The following GDPD5 variants were observed in gnomAD, a reference collection of about 807,000 sequenced individuals.
The protein encoded by GDPD5 is glycerophosphodiester phosphodiesterase 2.
In GDPD5, 48 loss-of-function variants were observed where a neutral mutation model predicts 75.1. The ratio of observed to expected loss-of-function variants is 0.64; its 90% CI spans 0.51 to 0.81. The LOEUF is 0.81. GDPD5 is among the 40% of genes least tolerant of loss of function. GDPD5 has a pLI of 0.00. For missense variants in GDPD5, 706 were observed against 822.6 expected (o/e 0.86, Z 1.73); for synonymous variants, 336 against 339.0 (o/e 0.99, Z 0.10).
At chr11:75,460,262 C>G (rs755696444) in intron 4 of GDPD5, among the ~76,000 whole-genome samples, 1 of 152,170 alleles carries the variant, frequency 6.6e-6, no homozygotes, top group Non-Finnish European at 1.5e-5. Flanking sequence ...GGCTGTCACT[C>G]ACATCCTCTT....
intron 1 of GDPD5, among the ~76,000 whole-genome samples, chr11:75,524,593 T>C (rs1337150002): frequency 6.6e-6 from 1 of 152,134 alleles, no homozygotes; most frequent in African/African-American, 2.4e-5. Context: ...GACCCTTACT[T>C]GGGGATCTCT....
At chr11:75,509,932 G>A (rs1255768068) in intron 1 of GDPD5, among the ~76,000 whole-genome samples, 1 of 152,118 alleles carries the variant, frequency 6.6e-6, no homozygotes, top group African/African-American at 2.4e-5. Flanking sequence ...TGCCCGCCTC[G>A]GCCTCCCAAA....
chr11:75,462,886 C>A lies in GDPD5; in HGVS notation c.121G>T (p.Glu41Ter). 1 of 1,613,254 alleles carries A rather than the reference C, an allele frequency of 6.2e-7. No individual in the cohort carries two copies. The highest frequency in any genetic ancestry group is 1.1e-5 in the South Asian group (1 of 90,936). Residue 41 changes from glutamate to a stop codon, truncating the protein, a stop_gained, in exon 4 of 17, where the codon GAG (glutamate) becomes TAG (stop). Transcript: ENST00000336898. LOFTEE classifies it high-confidence loss of function. ...GTGAGGAGCAGGAACCAGAGGCGCT[C>A]CCACTGGAAGAGCAGAGGAGGAGGG... ...QRSHDDTTPW[E>*]RLWFLLLTFT...
intron 2 of GDPD5, among the ~76,000 whole-genome samples, chr11:75,489,051 G>A (rs1034049052): frequency 4.6e-5 from 7 of 152,142 alleles, no homozygotes; most frequent in African/African-American, 1.7e-4. Flanking sequence ...CTGGTTAAAT[G>A]TGAGACGGAA....
intron 1 of GDPD5, among the ~76,000 whole-genome samples, chr11:75,506,216 T>C (rs1950394834): frequency 6.6e-6 from 1 of 152,216 alleles, no homozygotes; most frequent in Admixed American, 6.5e-5. Flanking sequence ...TCGATCTGTT[T>C]GTTCCTCTCA....
chr11:75,441,957 C>T (rs906657749), intron 12 of GDPD5, among the ~76,000 whole-genome samples, 154 bp from the exon 13 acceptor site: 1 of 152,222 alleles, frequency 6.6e-6, no homozygotes, highest in Non-Finnish European at 1.5e-5. Flanking sequence ...TCAGTCCCAG[C>T]CAAGGCTGCA....
At chr11:75,510,155 T>G (rs1416557508) in intron 1 of GDPD5, among the ~76,000 whole-genome samples, 1 of 152,222 alleles carries the variant, frequency 6.6e-6, no homozygotes, top group African/African-American at 2.4e-5. Flanking sequence ...GCGGGAGGGC[T>G]GTCCCCCACT....
At chr11:75,439,426 G>A in intron 15 of GDPD5, 1 of 449,692 alleles carries the variant, frequency 2.2e-6, no homozygotes, top group Non-Finnish European at 4.5e-6. Context: ...ATCAGAGCAG[G>A]ATGGGACAGA....
At chr11:75,470,255 T>C (rs1438902620) in intron 3 of GDPD5, among the ~76,000 whole-genome samples, 1 of 152,244 alleles carries the variant, frequency 6.6e-6, no homozygotes, top group Non-Finnish European at 1.5e-5. Context: ...TGGCTCTTTA[T>C]GGGCTTATAA....
rs1200967814 is a variant in GDPD5, at chr11:75,441,701, C to T, written c.1270G>A (p.Gly424Ser). 4 of 1,610,270 alleles carry T rather than the reference C, an allele frequency of 2.5e-6. No individual in the cohort carries two copies. Among genetic ancestry groups the T allele is most frequent in the East Asian group, 4.5e-5 (2 of 44,834 alleles). The change falls in exon 13 of 17, where the codon GGC (glycine) becomes AGC (serine). Residue 424 changes from glycine to serine, a missense_variant. By Grantham distance (56) the Gly-to-Ser change is moderately conservative. Coordinates refer to ENST00000336898, the MANE Select transcript of GDPD5 (RefSeq NM_030792.8). Reference sequence around the variant, plus strand: ...CGCAGGTTCAGCCGCTGGATGTGGCCTCTCCGCAGGCTGGCGACTGCCTCC... The same window carrying T: ...CGCAGGTTCAGCCGCTGGATGTGGCTTCTCCGCAGGCTGGCGACTGCCTCC... Reference protein sequence around the residue: ...SKEAVASLRRGHIQRLNLRYT... With the variant: ...SKEAVASLRRSHIQRLNLRYT...
chr11:75,520,621 C>G (rs1213923027), intron 1 of GDPD5, among the ~76,000 whole-genome samples: 4 of 152,214 alleles, frequency 2.6e-5, no homozygotes, highest in African/African-American at 9.6e-5. Context: ...TGGATCCCAC[C>G]TGCATGGGAG....
Position 75,449,573 on chromosome 11 carries a change from G to T in GDPD5, c.512C>A (p.Ala171Glu). Residue 171 changes from alanine (A) to glutamate (E), a missense_variant, in exon 8 of 17, where the codon GCA (alanine) becomes GAA (glutamate). Physicochemically the swap from Ala to Glu is moderately radical, Grantham distance 107. Transcript: ENST00000336898. ...CACGATCCAGGAGAGCATGGTGACT[G>T]CTGCCACAGCCCCCACATGCAGGAA... The part of the protein sequence containing the change: ...APFLHVGAVA[A>E]VTMLSWIVAG... 6.3e-7 allele frequency: 1 copy of T among 1,588,976 alleles called. No homozygotes were observed.
chr11:75,456,739 G>A lies in GDPD5; in HGVS notation c.375+18C>T, dbSNP rs201741930. On this transcript the variant is annotated intron_variant, in intron 6 of 16. Coordinates refer to ENST00000336898, the MANE Select transcript of GDPD5 (RefSeq NM_030792.8). ...GCTTCCCTTGCTCTCTCCCAGCCCC[G>A]GCCGAGGCGGCCCTTACCTTGTGCA... 1.7e-5 allele frequency: 28 copies of A among 1,613,852 alleles called. No homozygotes were observed. In the African/African-American group the frequency reaches 2.0e-4, roughly 12 times the overall value.
chr11:75,441,025 T>A, intron 14 of GDPD5, 138 bp downstream of exon 14: 1 of 812,746 alleles, frequency 1.2e-6, no homozygotes. Context: ...GCCTCAAGCC[T>A]GCACGCCCAC....
intron 12 of GDPD5, among the ~76,000 whole-genome samples, 161 bp downstream of exon 12, chr11:75,442,202 C>T (rs960129675): frequency 6.6e-6 from 1 of 152,258 alleles, no homozygotes; most frequent in East Asian, 1.9e-4. Flanking sequence ...TTGTTCCCCT[C>T]TTGTCCCATG....
At chr11:75,489,557 C>T (rs931664484) in intron 2 of GDPD5, among the ~76,000 whole-genome samples, 2 of 152,218 alleles carry the variant, frequency 1.3e-5, no homozygotes, top group African/African-American at 4.8e-5. Context: ...CACTATTTGT[C>T]ATTCATTCCT....
chr11:75,521,142 C>T (rs996891598), intron 1 of GDPD5, among the ~76,000 whole-genome samples: 6 of 152,276 alleles, frequency 3.9e-5, no homozygotes, highest in Middle Eastern at 3.4e-3. Flanking sequence ...TAGACATGGA[C>T]ACACGGGACC....
rs1948583387 is a variant in GDPD5 at position 75,434,779 on chromosome 11, C to CTCA, written c.*727_*728insTGA. The CTCA allele has an allele frequency of 1.3e-5, 2 of 152,344 alleles. No individual in the cohort carries two copies. The highest frequency in any genetic ancestry group is 4.1e-4 in the South Asian group (2 of 4,832). The allele number at this position is 152,344 out of a possible 1,614,324, so 9.4% of individuals were successfully genotyped here. On this transcript the variant is annotated 3_prime_UTR_variant, in exon 17 of 17. Transcript: ENST00000336898. ...TGCCCTGTGGCCACTGATGTGGGAACCTGAGGTCACATCAGTCTGTGGACT... is the reference window on the plus strand; with the variant it reads ...TGCCCTGTGGCCACTGATGTGGGAACTCACTGAGGTCACATCAGTCTGTGGACT...
chr11:75,463,290 AC>A (rs774776125), intron 3 of GDPD5, among the ~76,000 whole-genome samples: 5 of 152,050 alleles, frequency 3.3e-5, no homozygotes, highest in Non-Finnish European at 5.9e-5. Context: ...CTCCACCTCT[AC>A]CCCGTGCTAC....
Sources: allele counts gnomAD v4.1 joint callset (sites outside exome capture counted in the v4.1 genomes callset), GRCh38; gene constraint gnomAD v4.1.1; transcripts MANE v1.5; gene names NCBI Gene and HGNC (gene_info 2026-07-23, HGNC 2026-07-21).